The following FBXL4 variants were observed in gnomAD, a reference collection of about 807,000 sequenced individuals.
FBXL4 encodes F-box and leucine rich repeat protein 4.
A neutral mutation model predicts 58.9 loss-of-function variants in FBXL4; 40 were observed. The observed-to-expected ratio is 0.68, with a 90% CI of 0.53 to 0.88. FBXL4 has a LOEUF of 0.88. FBXL4 is among the 40% of genes least tolerant of loss of function. FBXL4 has a pLI of 0.00. For synonymous variants in FBXL4, 263 were observed against 265.5 expected, an observed-to-expected ratio of 0.99 and a Z score of 0.09; for missense variants, 676 against 734.4, an observed-to-expected ratio of 0.92 and a Z score of 0.92.
intron 8 of FBXL4, among the ~76,000 whole-genome samples, chr6:98,879,858 G>A (rs1439197524): frequency 6.9e-6 from 1 of 145,808 alleles, no homozygotes; most frequent in African/African-American, 2.6e-5. Flanking sequence ...CAGGAGAATT[G>A]CTTGAATCCG....
At chr6:98,947,103 C>T (rs1031277557) in intron 1 of FBXL4, among the ~76,000 whole-genome samples, 10 of 152,234 alleles carry the variant, frequency 6.6e-5, no homozygotes, top group African/African-American at 2.2e-4. Context: ...AACTACCTGA[C>T]CACAGGCTTA....
chr6:98,873,880 C>A lies in FBXL4; in HGVS notation c.*398G>T. On this transcript the variant is annotated 3_prime_UTR_variant, in exon 10 of 10. Coordinates refer to ENST00000369244, the MANE Select transcript of FBXL4 (RefSeq NM_001278716.2). ...ACCAAACAAAACACTTGCCAGGTCA[C>A]AGGCTTAATAAGACATCCTTACATG... 1 of 155,250 alleles carries A rather than the reference C, an allele frequency of 6.4e-6. No homozygotes were observed. Among genetic ancestry groups the A allele is most frequent in the Non-Finnish European group, 1.4e-5 (1 of 70,254 alleles). The allele number at this position is 155,250 out of a possible 1,614,324, so 9.6% of individuals were successfully genotyped here. A position where few individuals can be genotyped will look rare whatever the true frequency, so the allele number is the denominator to read the frequency against.
chr6:98,898,110 T>A (rs1771469568), intron 7 of FBXL4, among the ~76,000 whole-genome samples: 1 of 151,846 alleles, frequency 6.6e-6, no homozygotes, highest in South Asian at 2.1e-4. Flanking sequence ...CTAGAAGGGG[T>A]GCTACAGTAT....
intron 7 of FBXL4, among the ~76,000 whole-genome samples, chr6:98,881,867 T>A (rs1224059084): frequency 2.0e-5 from 3 of 152,014 alleles, no homozygotes; most frequent in Non-Finnish European, 4.4e-5. Flanking sequence ...TAATTTAATT[T>A]TCAGGTTCTT....
chr6:98,900,456 TA>T (rs1196032949), intron 6 of FBXL4, among the ~76,000 whole-genome samples: 1 of 152,126 alleles, frequency 6.6e-6, no homozygotes, highest in African/African-American at 2.4e-5. Flanking sequence ...GTTGTGTAAA[TA>T]AAAGAAAGTA....
intron 1 of FBXL4, among the ~76,000 whole-genome samples, 174 bp downstream of exon 1, chr6:98,947,632 G>C (rs1268247091): frequency 6.6e-6 from 1 of 152,166 alleles, no homozygotes; most frequent in Non-Finnish European, 1.5e-5. Flanking sequence ...GCGTGAAGCG[G>C]AGGCGCGGGG....
intron 7 of FBXL4, among the ~76,000 whole-genome samples, chr6:98,894,108 C>A (rs1771329169): frequency 6.6e-6 from 1 of 152,142 alleles, no homozygotes; most frequent in African/African-American, 2.4e-5. Context: ...CTCAAGTGAT[C>A]CTTCTGCCTC....
chr6:98,941,999 A>G (rs953904257), intron 1 of FBXL4, among the ~76,000 whole-genome samples: 3 of 152,086 alleles, frequency 2.0e-5, no homozygotes, highest in Non-Finnish European at 2.9e-5. Flanking sequence ...AATGACCTAG[A>G]GCACATATAC....
chr6:98,874,917 G>A (rs1319595903), intron 9 of FBXL4, among the ~76,000 whole-genome samples: 1 of 152,198 alleles, frequency 6.6e-6, no homozygotes, highest in Non-Finnish European at 1.5e-5. Flanking sequence ...GATGAATGCA[G>A]CAAGGATTCA....
chr6:98,914,924 T>G (rs1250068291), intron 5 of FBXL4, among the ~76,000 whole-genome samples: 2 of 152,112 alleles, frequency 1.3e-5, no homozygotes, highest in Non-Finnish European at 2.9e-5. Context: ...AAAACCCCAT[T>G]GTCTCAGCCC....
intron 8 of FBXL4, among the ~76,000 whole-genome samples, chr6:98,876,797 C>G (rs938519354): frequency 2.0e-4 from 31 of 152,146 alleles, no homozygotes; most frequent in African/African-American, 7.5e-4. Context: ...CCATACAGTC[C>G]AAGGGTGGTG....
intron 7 of FBXL4, among the ~76,000 whole-genome samples, chr6:98,894,211 A>T (rs1283428773): frequency 6.6e-6 from 1 of 152,204 alleles, no homozygotes; most frequent in Non-Finnish European, 1.5e-5. Flanking sequence ...AAAATACATC[A>T]TCATGTATGG....
chr6:98,911,142 G>C (rs1263800739), intron 5 of FBXL4, among the ~76,000 whole-genome samples: 1 of 152,206 alleles, frequency 6.6e-6, no homozygotes, highest in African/African-American at 2.4e-5. Context: ...GCCTGCCATT[G>C]CCCAGGCTCA....
intron 7 of FBXL4, among the ~76,000 whole-genome samples, chr6:98,887,108 TA>T (rs761787301): frequency 6.6e-6 from 1 of 151,458 alleles, no homozygotes; most frequent in Non-Finnish European, 1.5e-5. Flanking sequence ...TAAATAAAAA[TA>T]AAAAAAATTA....
Position 98,875,640 on chromosome 6 carries a change from T to C in FBXL4, c.1477A>G (p.Thr493Ala). ...TLDLWRCKNI[T>A]ENGIAELASG... ...GCCAGTTCTGCTATTCCATTCTCAG[T>C]AATATTCTTACATCTCCACAGATCC... Residue 493 changes from threonine to alanine, a missense_variant, in exon 9 of 10, where the codon ACT becomes GCT. Physicochemically the swap from Thr to Ala is moderately conservative, Grantham distance 58 (BLOSUM62 0). Coordinates refer to ENST00000369244, the MANE Select transcript of FBXL4 (RefSeq NM_001278716.2). 1.9e-6 allele frequency: 3 copies of C among 1,614,128 alleles called. No homozygotes were observed. The highest frequency in any genetic ancestry group is 2.5e-6 in the Non-Finnish European group (3 of 1,180,016).
intron 6 of FBXL4, among the ~76,000 whole-genome samples, chr6:98,901,155 G>A (rs566480032): frequency 1.3e-5 from 2 of 152,218 alleles, no homozygotes; most frequent in African/African-American, 2.4e-5. Flanking sequence ...TGTGAAAAGT[G>A]CCCAGGAGGA....
intron 5 of FBXL4, 32 bp from the exon 6 acceptor site, chr6:98,905,702 G>A: frequency 6.2e-7 from 1 of 1,604,814 alleles, no homozygotes; most frequent in South Asian, 1.1e-5. Context: ...AGATCATCAA[G>A]AGTGAAAAGC....
chr6:98,943,308 C>A (rs1011812811), intron 1 of FBXL4, among the ~76,000 whole-genome samples: 1 of 151,394 alleles, frequency 6.6e-6, no homozygotes, highest in African/African-American at 2.4e-5. Flanking sequence ...CACAGTGGCT[C>A]ACACCTGTAA....
At chr6:98,898,217 A>C (rs1228387104) in intron 7 of FBXL4, 10 of 899,384 alleles carry the variant, frequency 1.1e-5, no homozygotes, top group Non-Finnish European at 1.3e-5. Flanking sequence ...CAGGCAAAAA[A>C]ACAAAAGCCC....
Sources: gnomAD v4.1 joint callset for allele counts (sites outside exome capture counted in the v4.1 genomes callset) on GRCh38, gnomAD v4.1.1 for gene constraint, MANE v1.5 for transcripts, NCBI Gene and HGNC (gene_info 2026-07-23, HGNC 2026-07-21) for gene names.